TMEM132E: variants seen among roughly 807,000 people sequenced by gnomAD.
TMEM132E encodes transmembrane protein 132E.
A neutral mutation model predicts 78.5 loss-of-function variants in TMEM132E; 49 were observed. The observed-to-expected ratio is 0.62, with a 90% CI of 0.50 to 0.79. The LOEUF is 0.79. Among genes scored for constraint, TMEM132E ranks in the 30% least tolerant of loss-of-function variants. The pLI is 0.00. For synonymous variants in TMEM132E, 715 were observed against 670.6 expected (o/e 1.07, Z -1.02); for missense variants, 1,403 against 1,470.9 (o/e 0.95, Z 0.75).
rs746828822 is a variant in TMEM132E at position 34,629,156 on chromosome 17, G to A, written c.1290G>A (p.Glu430=). 3.3e-4 allele frequency: 539 copies of A among 1,614,034 alleles called. No individual in the cohort carries two copies. The highest frequency in any genetic ancestry group is 4.0e-4 in the Non-Finnish European group (469 of 1,180,030). ...CTGACCTGGAGCGGGCAGTCACTGA[G>A]CTGACGGTCATTCAGCGGGATGTGC... ...ALPDLERAVT[E]LTVIQRDVQA... The change falls in exon 4 of 9, where the codon GAG becomes GAA. Residue 430 remains glutamate, a synonymous_variant. Transcript: ENST00000631683.
At chr17:34,605,188 G>A (rs1193615774) in intron 1 of TMEM132E, among the ~76,000 whole-genome samples, 1 of 152,166 alleles carries the variant, frequency 6.6e-6, no homozygotes, top group African/African-American at 2.4e-5. Context: ...GTGGATTCAG[G>A]TCCCTTGTCA....
At chr17:34,605,045 G>A (rs529633543) in intron 1 of TMEM132E, among the ~76,000 whole-genome samples, 14 of 152,290 alleles carry the variant, frequency 9.2e-5, no homozygotes, top group Admixed American at 5.9e-4. Context: ...TTCCAAAGCT[G>A]TCCAGAATCA....
At chr17:34,599,531 G>A (rs975964173) in intron 1 of TMEM132E, among the ~76,000 whole-genome samples, 13 of 152,172 alleles carry the variant, frequency 8.5e-5, no homozygotes, top group African/African-American at 2.9e-4. Context: ...GGACAGGGCA[G>A]GTGTTAATTT....
chr17:34,603,684 C>T (rs571515102), intron 1 of TMEM132E, among the ~76,000 whole-genome samples: 4 of 152,220 alleles, frequency 2.6e-5, no homozygotes, highest in East Asian at 1.9e-4. Flanking sequence ...CAGCTCTTCC[C>T]CCTGGGTGTT....
intron 1 of TMEM132E, among the ~76,000 whole-genome samples, chr17:34,605,785 A>T (rs1906392990): frequency 6.6e-6 from 1 of 152,212 alleles, no homozygotes; most frequent in African/African-American, 2.4e-5. Context: ...TTGGACTCCC[A>T]GCTGCTGATT....
intron 1 of TMEM132E, among the ~76,000 whole-genome samples, chr17:34,584,772 T>A (rs139170081): frequency 3.2e-4 from 48 of 152,298 alleles, no homozygotes; most frequent in African/African-American, 1.2e-3. Context: ...AGCAGGCCCA[T>A]GCCATGCCCC....
chr17:34,580,592 G>C lies in TMEM132E; in HGVS notation c.-485G>C, dbSNP rs1390876959. 1.3e-5 allele frequency: 2 copies of C among 157,028 alleles called. No individual in the cohort carries two copies. The highest frequency in any genetic ancestry group is 1.3e-4 in the Admixed American group (2 of 15,412). The allele number at this position is 157,028 out of a possible 1,614,324, so 9.7% of individuals were successfully genotyped here. ...TGACCTGGGATTTTTATGCTGGGCT[G>C]CTGCAGGGGCTTGGAGGAAGAAAGC... is the stretch of plus-strand genomic sequence containing the variant. On this transcript the variant is annotated 5_prime_UTR_variant, in exon 1 of 9. Transcript: ENST00000631683.
intron 3 of TMEM132E, 132 bp downstream of exon 3, chr17:34,628,841 C>A (rs1340451847): frequency 7.3e-7 from 1 of 1,366,446 alleles, no homozygotes; most frequent in Non-Finnish European, 9.7e-7. Flanking sequence ...GAGGTCCAGG[C>A]CCCTCAGTGG....
At chr17:34,625,657 A>T (rs1907093064) in intron 1 of TMEM132E, among the ~76,000 whole-genome samples, 1 of 151,846 alleles carries the variant, frequency 6.6e-6, no homozygotes, top group South Asian at 2.1e-4. Context: ...GGCCTGTCCC[A>T]CACGGAGCGC....
rs1249570552 is a variant in TMEM132E at position 34,627,038 on chromosome 17, G to A, written c.979G>A (p.Val327Met). The A allele has an allele frequency of 1.2e-6, 2 of 1,613,616 alleles. No individual in the cohort carries two copies. Among genetic ancestry groups the A allele is most frequent in the Non-Finnish European group, 1.7e-6 (2 of 1,179,992 alleles). ...PNSSSPSSPS[V>M]EHFTLRVKAK... ...CTCCTCCTCGCCCTCCAGCCCCAGC[G>A]TGGAGCACTTCACACTCAGGTAGTA... Residue 327 changes from valine (V) to methionine (M), a missense_variant, in exon 2 of 9, where the codon GTG becomes ATG. Physicochemically the swap from Val to Met is conservative, Grantham distance 21 (BLOSUM62 1). This residue lies in a region of TMEM132E where 511 missense variants were observed against 499.0 expected (regional missense o/e 1.02). Transcript: ENST00000631683.
At chr17:34,597,891 C>T (rs1414725164) in intron 1 of TMEM132E, among the ~76,000 whole-genome samples, 1 of 152,214 alleles carries the variant, frequency 6.6e-6, no homozygotes, top group Non-Finnish European at 1.5e-5. Flanking sequence ...ATCCTAGCAG[C>T]TCAGCCCCTA....
intron 1 of TMEM132E, among the ~76,000 whole-genome samples, chr17:34,613,203 ACACACACACGCGCG>A (rs1567715999): frequency 1.4e-4 from 16 of 114,600 alleles, no homozygotes; most frequent in African/African-American, 3.9e-4. Context: ...ACACCCACAC[ACACACACACGCGCG>A]CGCGCGCGCG....
intron 1 of TMEM132E, among the ~76,000 whole-genome samples, chr17:34,600,426 A>AGTGTGTGTGTGTGTGTGTGTGT (rs3220449): frequency 6.9e-6 from 1 of 143,968 alleles, no homozygotes; most frequent in Admixed American, 6.9e-5. Context: ...AGCGTATATG[A>AGTGTGTGTGTGTGTGTGTGTGT]GTGTGTGTGT....
chr17:34,584,424 C>G (rs777048323), intron 1 of TMEM132E, among the ~76,000 whole-genome samples: 1 of 152,212 alleles, frequency 6.6e-6, no homozygotes, highest in Non-Finnish European at 1.5e-5. Context: ...AATAAATGAA[C>G]TTTTTCCATG....
At chr17:34,614,123 G>C (rs1248066741) in intron 1 of TMEM132E, among the ~76,000 whole-genome samples, 1 of 152,130 alleles carries the variant, frequency 6.6e-6, no homozygotes, top group Non-Finnish European at 1.5e-5. Flanking sequence ...GGAGCAGGTA[G>C]CCCTCTGTTT....
At chr17:34,616,369 G>T (rs1332618076) in intron 1 of TMEM132E, among the ~76,000 whole-genome samples, 1 of 152,206 alleles carries the variant, frequency 6.6e-6, no homozygotes, top group Non-Finnish European at 1.5e-5. Context: ...CTGCCAGGGA[G>T]TAGGCAAGAG....
intron 1 of TMEM132E, among the ~76,000 whole-genome samples, chr17:34,591,077 A>G (rs1905851602): frequency 6.6e-6 from 1 of 152,186 alleles, no homozygotes; most frequent in African/African-American, 2.4e-5. Flanking sequence ...CCACCTCTGT[A>G]AGACTGGATG....
At chr17:34,627,360 G>T (rs977412903) in intron 2 of TMEM132E, among the ~76,000 whole-genome samples, 17 of 152,266 alleles carry the variant, frequency 1.1e-4, no homozygotes, top group African/African-American at 4.1e-4. Flanking sequence ...CAGAATAATA[G>T]AACTGGGACT....
chr17:34,586,413 C>A (rs117949329), intron 1 of TMEM132E, among the ~76,000 whole-genome samples: 2 of 152,174 alleles, frequency 1.3e-5, no homozygotes, highest in East Asian at 1.9e-4. Flanking sequence ...CTCCAGCAGT[C>A]CCCAAGGATG....
Sources: allele counts gnomAD v4.1 joint callset (sites outside exome capture counted in the v4.1 genomes callset), GRCh38; gene constraint gnomAD v4.1.1; regional missense constraint gnomAD v4.1.1; transcripts MANE v1.5; gene names NCBI Gene and HGNC (gene_info 2026-07-23, HGNC 2026-07-21).